The following LDB2 variants were observed in gnomAD, a reference collection of about 807,000 sequenced individuals.
LDB2 encodes the protein LIM domain binding 2.
LDB2 carries 12 observed loss-of-function variants against 44.3 expected under a neutral mutation model. The observed-to-expected ratio is 0.27, with a 90% CI of 0.17 to 0.44. LDB2 has a LOEUF of 0.44. Ranked by LOEUF, LDB2 falls within the 20% of genes least tolerant of loss-of-function variation. The pLI is 1.00. For missense variants in LDB2, 344 were observed against 473.5 expected, an observed-to-expected ratio of 0.73 and a Z score of 2.54; for synonymous variants, 164 against 174.8, an observed-to-expected ratio of 0.94 and a Z score of 0.49.
intron 2 of LDB2, among the ~76,000 whole-genome samples, chr4:16,747,382 C>T (rs574374558): frequency 5.9e-5 from 9 of 152,220 alleles, no homozygotes; most frequent in South Asian, 2.1e-4. Context: ...ATATAATTAG[C>T]GGTTTATTTA....
intron 1 of LDB2, among the ~76,000 whole-genome samples, chr4:16,887,727 C>T (rs939908493): frequency 1.3e-5 from 2 of 151,866 alleles, no homozygotes; most frequent in South Asian, 2.1e-4. Flanking sequence ...AATAATTTAA[C>T]GTTTGAGCTA....
In LDB2 at chr4:16,574,454, G is replaced by C. The variant is rs141443936; in HGVS notation, c.615+11468C>G. On this transcript the variant is annotated intron_variant, in intron 5 of 7. Coordinates refer to ENST00000304523, the MANE Select transcript of LDB2 (RefSeq NM_001290.5). ...CACTCCTTCTCTTCTTTCTGATCTT[G>C]CCTGCAGCATCAGAATCTCAGCATA... is the stretch of plus-strand genomic sequence containing the variant. 1.0e-3 allele frequency among the ~76,000 whole-genome samples: 152 copies of C among 152,204 alleles called. 1 individual carries two copies. The highest frequency in any genetic ancestry group is 4.3e-4 in the Non-Finnish European group (29 of 68,010).
intron 2 of LDB2, among the ~76,000 whole-genome samples, chr4:16,749,253 G>C (rs1026004571): frequency 2.0e-5 from 3 of 152,002 alleles, no homozygotes; most frequent in African/African-American, 7.3e-5. Flanking sequence ...TGTAGGTTGG[G>C]TAGGCATAAT....
Position 16,822,111 on chromosome 4 carries a change from T to TAA in LDB2, c.133-62853_133-62852dup, listed in dbSNP as rs34620323. ...TCAAAAGAAGGCTTACTAGGATTGTTAAAAAAAAAAAAAAGTTGACTGAGA... is the reference window on the plus strand; with the variant it reads ...TCAAAAGAAGGCTTACTAGGATTGTTAAAAAAAAAAAAAAAAGTTGACTGAGA... On this transcript the variant is annotated intron_variant, in intron 1 of 7. Transcript: ENST00000304523. Among the ~76,000 whole-genome samples, 318 of 147,084 alleles carry TAA rather than the reference T, an allele frequency of 2.2e-3. 5 individuals carry two copies. The East Asian group carries it at 0.038, about 18-fold the overall frequency.
At chr4:16,823,032 G>A (rs1230344410) in intron 1 of LDB2, among the ~76,000 whole-genome samples, 3 of 152,134 alleles carry the variant, frequency 2.0e-5, no homozygotes, top group Admixed American at 6.5e-5. Flanking sequence ...TAACTACATA[G>A]CCCTGCTAAC....
At chr4:16,749,655 A>G (rs16893909) in intron 2 of LDB2, among the ~76,000 whole-genome samples, 3,493 of 151,454 alleles carry the variant, frequency 0.023, 136 homozygotes, top group African/African-American at 0.079. Flanking sequence ...AGATTGCTCT[A>G]TAATACAAAA....
intron 1 of LDB2, among the ~76,000 whole-genome samples, chr4:16,800,936 G>A (rs1036820299): frequency 4.6e-5 from 7 of 152,170 alleles, no homozygotes; most frequent in African/African-American, 1.7e-4. Context: ...CGGCCTCCCA[G>A]CGTGGTGGGA....
At chr4:16,642,636 A>G (rs935635084) in intron 2 of LDB2, among the ~76,000 whole-genome samples, 5 of 152,170 alleles carry the variant, frequency 3.3e-5, no homozygotes, top group African/African-American at 7.2e-5. Flanking sequence ...TTCCTCCTCA[A>G]TGACAGTGGC....
At position 16,804,639 on chromosome 4, in the gene LDB2, G is replaced by C. The variant is rs564225883; in HGVS notation, c.133-45379C>G. The stretch of plus-strand genomic sequence containing the variant: ...CACAGCTTACCAAATATAGCAGAGA[G>C]AGGTAACAGGAATTGGTGAGGACTG... On this transcript the variant is annotated intron_variant, in intron 1 of 7. Transcript: ENST00000304523. Among the ~76,000 whole-genome samples the C allele has an allele frequency of 1.8e-4, 28 of 152,280 alleles. No individual in the cohort carries two copies. The South Asian group carries it at 5.8e-3, about 32-fold the overall frequency.
intron 5 of LDB2, among the ~76,000 whole-genome samples, chr4:16,551,881 G>C (rs1328169048): frequency 1.3e-5 from 2 of 152,168 alleles, no homozygotes; most frequent in African/African-American, 4.8e-5. Flanking sequence ...CAGTACATCT[G>C]AGTTTCTTAA....
At chr4:16,807,339 C>G (rs758795653) in intron 1 of LDB2, among the ~76,000 whole-genome samples, 83 of 152,098 alleles carry the variant, frequency 5.5e-4, no homozygotes, top group Non-Finnish European at 5.9e-4. Context: ...GGATAATAAC[C>G]AAAGTCATTC....
chr4:16,608,809 GGA>G (rs1192284858), intron 2 of LDB2, among the ~76,000 whole-genome samples: 1 of 152,126 alleles, frequency 6.6e-6, no homozygotes, highest in Non-Finnish European at 1.5e-5. Flanking sequence ...CTTCTGACAG[GGA>G]GAGAGGAACA....
At chr4:16,860,477 A>G (rs1305293340) in intron 1 of LDB2, among the ~76,000 whole-genome samples, 2 of 152,176 alleles carry the variant, frequency 1.3e-5, no homozygotes, top group Non-Finnish European at 2.9e-5. Flanking sequence ...CCTCTGATCA[A>G]ACTTGAAGAA....
At chr4:16,696,346 A>G (rs749837914) in intron 2 of LDB2, among the ~76,000 whole-genome samples, 36 of 152,352 alleles carry the variant, frequency 2.4e-4, no homozygotes. Flanking sequence ...TCAAACTGCG[A>G]GTAGACAATT....
intron 2 of LDB2, among the ~76,000 whole-genome samples, chr4:16,641,673 T>C (rs1578412300): frequency 6.6e-6 from 1 of 152,166 alleles, no homozygotes; most frequent in Non-Finnish European, 1.5e-5. Flanking sequence ...AAGCCATTCA[T>C]GAGGGACCCG....
intron 1 of LDB2, among the ~76,000 whole-genome samples, chr4:16,762,121 G>GTGA (rs755307469): frequency 3.9e-5 from 6 of 152,102 alleles, no homozygotes; most frequent in Non-Finnish European, 8.8e-5. Context: ...ACTTGAACCT[G>GTGA]TGAGGCAGAG....
At chr4:16,689,448 A>G (rs1750070928) in intron 2 of LDB2, among the ~76,000 whole-genome samples, 1 of 152,200 alleles carries the variant, frequency 6.6e-6, no homozygotes, top group Admixed American at 6.5e-5. Flanking sequence ...ACATTTGGCT[A>G]TCCAATACAG....
At chr4:16,862,997 T>C (rs1713237974) in intron 1 of LDB2, among the ~76,000 whole-genome samples, 1 of 152,102 alleles carries the variant, frequency 6.6e-6, no homozygotes, top group Non-Finnish European at 1.5e-5. Context: ...CCATCACCAG[T>C]GCTTCCTGGG....
At chr4:16,630,528 A>T (rs2152494050) in intron 2 of LDB2, among the ~76,000 whole-genome samples, 2 of 152,356 alleles carry the variant, frequency 1.3e-5, no homozygotes, top group South Asian at 4.1e-4. Flanking sequence ...AAACGGCATA[A>T]ATTAATAGGT....
Sources: gnomAD v4.1 joint callset for allele counts (sites outside exome capture counted in the v4.1 genomes callset) on GRCh38, gnomAD v4.1.1 for gene constraint, MANE v1.5 for transcripts, NCBI Gene and HGNC (gene_info 2026-07-23, HGNC 2026-07-21) for gene names.